The following SMPD2 variants were observed in gnomAD, a reference collection of about 807,000 sequenced individuals.
SMPD2 encodes N-SMase.
In SMPD2, 35 loss-of-function variants were observed where a neutral mutation model predicts 41.7. The ratio of observed to expected loss-of-function variants is 0.84; its 90% CI spans 0.64 to 1.11. SMPD2 has a LOEUF of 1.11. SMPD2 is among the 50% of genes most tolerant of loss of function. The pLI is 0.00. For missense variants in SMPD2, 520 were observed against 524.8 expected (o/e 0.99, Z 0.09); for synonymous variants, 201 against 208.2 (o/e 0.97, Z 0.30).
chr6:109,442,374 C>T lies in SMPD2; in HGVS notation c.408+75C>T. On this transcript the variant is annotated intron_variant, in intron 5 of 9. Coordinates refer to ENST00000258052, the MANE Select transcript of SMPD2 (RefSeq NM_003080.3). ...GGACAGAGAGATGGTACTTCTCTAG[C>T]TCTCATACCTGGGGATGAGGTGTGG... The T allele has an allele frequency of 2.1e-6, 3 of 1,446,098 alleles. No individual in the cohort carries two copies. The South Asian group carries it at 3.4e-5, about 17-fold the overall frequency. The allele number at this position is 1,446,098 out of a possible 1,614,324, so 89.6% of individuals were successfully genotyped here. A position where few individuals can be genotyped will look rare whatever the true frequency, so the allele number is the denominator to read the frequency against.
chr6:109,441,825 C>T, intron 3 of SMPD2, 149 bp from the exon 4 acceptor site: 1 of 902,456 alleles, frequency 1.1e-6, no homozygotes, highest in Non-Finnish European at 1.8e-6. Flanking sequence ...GCCCTATACT[C>T]CTCCAAAGGC....
chr6:109,443,663 C>T lies in SMPD2; in HGVS notation c.1030C>T (p.Leu344=). Residue 344 remains leucine, a synonymous_variant, in exon 10 of 10, where the codon CTG becomes TTG. Coordinates refer to ENST00000258052, the MANE Select transcript of SMPD2 (RefSeq NM_003080.3). ...GLLLLALLCV[L]AAGGGAGEAA... is the part of the protein sequence containing the mutation. ...GCTTCTCCTGGCACTGCTGTGTGTCCTGGCGGCTGGAGGAGGGGCCGGGGA... is the reference window on the plus strand; with the variant it reads ...GCTTCTCCTGGCACTGCTGTGTGTCTTGGCGGCTGGAGGAGGGGCCGGGGA... 6.2e-7 allele frequency: 1 copy of T among 1,613,006 alleles called. No homozygotes were observed. The highest frequency in any genetic ancestry group is 1.7e-5 in the Admixed American group (1 of 60,012).
chr6:109,443,454 C>G, intron 9 of SMPD2, 34 bp downstream of exon 9: 1 of 1,611,440 alleles, frequency 6.2e-7, no homozygotes, highest in Non-Finnish European at 8.5e-7. Flanking sequence ...TGGCCCTTGC[C>G]CCGCTTGAAG....
At chr6:109,443,234 T>C (rs754598007) in intron 8 of SMPD2, 33 bp from the exon 9 acceptor site, 1 of 1,612,428 alleles carries the variant, frequency 6.2e-7, no homozygotes, top group Non-Finnish European at 8.5e-7. Context: ...GGCCCTCATA[T>C]ATAAGCTTCT....
chr6:109,441,134 T>G lies in SMPD2; in HGVS notation c.13T>G (p.Phe5Val). 3 of 1,614,090 alleles carry G rather than the reference T, an allele frequency of 1.9e-6. No homozygotes were observed. The highest frequency in any genetic ancestry group is 1.7e-5 in the Admixed American group (1 of 60,020). The change falls in exon 1 of 10, where the codon TTC becomes GTC. Residue 5 changes from phenylalanine (F) to valine (V), a missense_variant. Physicochemically the swap from Phe to Val is conservative, Grantham distance 50. Coordinates refer to ENST00000258052, the MANE Select transcript of SMPD2 (RefSeq NM_003080.3). ...GAGCTCCCCAACCATGAAGCCCAAC[T>G]TCTCCCTGCGACTGCGGATCTTCAA... MKPN[F>V]SLRLRIFNLN...
At position 109,442,284 on chromosome 6, in the gene SMPD2, C is replaced by T. The variant is rs371903352; in HGVS notation, c.393C>T (p.Asn131=). Residue 131 remains asparagine (N), a synonymous_variant, in exon 5 of 10, where the codon AAC becomes AAT. Transcript: ENST00000258052. The stretch of plus-strand genomic sequence containing the variant: ...TCCATCTAAGTGGCATGGTGCTCAA[C>T]GCCTATGTGACCCATGTGAGTGAAG... ...LVLHLSGMVL[N]AYVTHLHAEY... is the part of the protein sequence containing the mutation. The T allele has an allele frequency of 5.3e-5, 86 of 1,614,086 alleles. 1 individual carries two copies. Among genetic ancestry groups the T allele is most frequent in the African/African-American group, 3.6e-4 (27 of 75,042 alleles).
rs1774921392 is a variant in SMPD2 at position 109,442,042 on chromosome 6, A to G, written c.293A>G (p.Tyr98Cys). 1.9e-6 allele frequency: 3 copies of G among 1,613,756 alleles called. No individual in the cohort carries two copies. The highest frequency in any genetic ancestry group is 1.7e-5 in the Admixed American group (1 of 60,026). ...ATCCAGGAGCTTACCCAGCACATCT[A>G]CACTCTCAATGGCTACCCCTACATG... ...HPIQELTQHIYTLNGYPYMIH... is the reference protein window; with the variant it reads ...HPIQELTQHICTLNGYPYMIH... Residue 98 changes from tyrosine (Y) to cysteine (C), a missense_variant, in exon 4 of 10, where the codon TAC (tyrosine) becomes TGC (cysteine). By Grantham distance (194) the Tyr-to-Cys change is radical. Coordinates refer to ENST00000258052, the MANE Select transcript of SMPD2 (RefSeq NM_003080.3).
intron 8 of SMPD2, 54 bp from the exon 9 acceptor site, chr6:109,443,213 C>G (rs1012429996): frequency 6.2e-7 from 1 of 1,601,704 alleles, no homozygotes; most frequent in Non-Finnish European, 8.5e-7. Flanking sequence ...GGAGCTGGTT[C>G]TCTGGGAAGA....
At chr6:109,442,152 G>A in intron 4 of SMPD2, 58 bp from the exon 5 acceptor site, 6 of 1,595,488 alleles carry the variant, frequency 3.8e-6, no homozygotes, top group Admixed American at 1.7e-5. Flanking sequence ...GAGAGCTGCA[G>A]GGGATGGGCA....
rs368993871 is a variant in SMPD2 at position 109,441,394 on chromosome 6, A to G, written c.88A>G (p.Met30Val). 1.9e-6 allele frequency: 3 copies of G among 1,614,120 alleles called. No homozygotes were observed. The highest frequency in any genetic ancestry group is 2.5e-6 in the Non-Finnish European group (3 of 1,179,978). The change falls in exon 2 of 10, where the codon ATG becomes GTG. Residue 30 changes from methionine to valine, a missense_variant. Met to Val is a conservative substitution (Grantham distance 21). Coordinates refer to ENST00000258052, the MANE Select transcript of SMPD2 (RefSeq NM_003080.3). ...CTTGAGCAAGCACCGGGCCGACCGC[A>G]TGAGGCGCCTGGGAGACTTTCTGAA... ...PYLSKHRADR[M>V]RRLGDFLNQE... is the part of the protein sequence containing the mutation.
Position 109,441,062 on chromosome 6 carries a change from C to A in SMPD2, c.-60C>A. 6.4e-7 allele frequency: 1 copy of A among 1,572,716 alleles called. No homozygotes were observed. The highest frequency in any genetic ancestry group is 8.7e-7 in the Non-Finnish European group (1 of 1,143,534). The stretch of plus-strand genomic sequence containing the variant: ...AGAAGGCGCCGCCGGCCGCCCCCGT[C>A]CCCACCGCGGCCGTCGCTGGAGAGT... On this transcript the variant is annotated 5_prime_UTR_variant, in exon 1 of 10. Coordinates refer to ENST00000258052, the MANE Select transcript of SMPD2 (RefSeq NM_003080.3).
rs752898309 is a variant in SMPD2 at position 109,443,023 on chromosome 6, G to T, written c.671G>T (p.Ser224Ile). The T allele has an allele frequency of 6.2e-7, 1 of 1,614,234 alleles. No individual in the cohort carries two copies. Among genetic ancestry groups the T allele is most frequent in the South Asian group, 1.1e-5 (1 of 91,088 alleles). Residue 224 changes from serine to isoleucine, a missense_variant, in exon 8 of 10, where the codon AGC becomes ATC. Ser to Ile is a moderately radical substitution (Grantham distance 142). Coordinates refer to ENST00000258052, the MANE Select transcript of SMPD2 (RefSeq NM_003080.3). ...NTMVPKNCYV[S>I]QQELKPFPFG... The stretch of plus-strand genomic sequence containing the variant: ...ATGGTACCCAAGAACTGCTACGTCA[G>T]CCAGCAGGAGCTGAAGCCATTTCCC...
chr6:109,441,201 G>T (rs773708998), intron 1 of SMPD2, 30 bp downstream of exon 1: 62 of 1,613,170 alleles, frequency 3.8e-5, no homozygotes, highest in Admixed American at 1.7e-4. Flanking sequence ...GCGGTCTGGG[G>T]GCCACCTTCC....
chr6:109,443,454 C>T, intron 9 of SMPD2, 34 bp downstream of exon 9: 1 of 1,611,440 alleles, frequency 6.2e-7, no homozygotes, highest in South Asian at 1.1e-5. Flanking sequence ...TGGCCCTTGC[C>T]CCGCTTGAAG....
In SMPD2 at chr6:109,443,096, T is replaced by G; in HGVS notation, c.729+15T>G. 1.9e-6 allele frequency: 3 copies of G among 1,599,040 alleles called. No individual in the cohort carries two copies. Among genetic ancestry groups the G allele is most frequent in the Non-Finnish European group, 2.6e-6 (3 of 1,166,396 alleles). ...TGCTTTACAAGGTCAGGCTCCTCCC[T>G]TCAACATGCTTTCATATGCTGTGTC... On this transcript the variant is annotated intron_variant, in intron 8 of 9. Transcript: ENST00000258052.
Position 109,443,210 on chromosome 6 carries a change from G to T in SMPD2, c.730-57G>T. 1.9e-6 allele frequency: 3 copies of T among 1,600,780 alleles called. No individual in the cohort carries two copies. In the African/African-American group the frequency reaches 4.0e-5, roughly 21 times the overall value. ...TGGAAAGTGGGGTAGCCGGGAGCTGGTTCTCTGGGAAGAGGCCCTCATATA... is the reference window on the plus strand; with the variant it reads ...TGGAAAGTGGGGTAGCCGGGAGCTGTTTCTCTGGGAAGAGGCCCTCATATA... On this transcript the variant is annotated intron_variant, in intron 8 of 9. Transcript: ENST00000258052.
chr6:109,440,948 G>T lies in SMPD2; in HGVS notation c.-174G>T. On this transcript the variant is annotated 5_prime_UTR_variant, in exon 1 of 10. Transcript: ENST00000258052. ...GATTGGGAACAGCCGGCCGGTTGCC[G>T]GGGGAACGCGGGAGTCGGGCCCGAC... The T allele has an allele frequency of 3.2e-6, 2 of 617,648 alleles. No individual in the cohort carries two copies. Among genetic ancestry groups the T allele is most frequent in the Non-Finnish European group, 5.5e-6 (2 of 365,008 alleles). The allele number at this position is 617,648 out of a possible 1,614,324, so 38.3% of individuals were successfully genotyped here. A position where few individuals can be genotyped will look rare whatever the true frequency, so the allele number is the denominator to read the frequency against.
At position 109,440,820 on chromosome 6, in the gene SMPD2, G is replaced by A. The variant is rs1468593911; in HGVS notation, c.-302G>A. 2.7e-6 allele frequency: 1 copy of A among 374,236 alleles called. No homozygotes were observed. Among genetic ancestry groups the A allele is most frequent in the South Asian group, 7.3e-5 (1 of 13,656 alleles). 23.2% of individuals were successfully genotyped at this position (374,236 alleles called of 1,614,324 possible). On this transcript the variant is annotated 5_prime_UTR_variant, in exon 1 of 10. Coordinates refer to ENST00000258052, the MANE Select transcript of SMPD2 (RefSeq NM_003080.3). ...AAAAGGAACCGGGAGCCGCCCACCC[G>A]GGGGCGCTCTCCGGACCCCCAGGGT...
chr6:109,441,079 C>T lies in SMPD2; in HGVS notation c.-43C>T. On this transcript the variant is annotated 5_prime_UTR_variant, in exon 1 of 10. Coordinates refer to ENST00000258052, the MANE Select transcript of SMPD2 (RefSeq NM_003080.3). ...GCCCCCGTCCCCACCGCGGCCGTCGCTGGAGAGTTCGAGCCGCCTAGCGCC... is the reference window on the plus strand; with the variant it reads ...GCCCCCGTCCCCACCGCGGCCGTCGTTGGAGAGTTCGAGCCGCCTAGCGCC... 6.2e-7 allele frequency: 1 copy of T among 1,610,692 alleles called. No individual in the cohort carries two copies. Among genetic ancestry groups the T allele is most frequent in the Non-Finnish European group, 8.5e-7 (1 of 1,177,096 alleles).
Sources: allele counts gnomAD v4.1 joint callset, GRCh38; gene constraint gnomAD v4.1.1; transcripts MANE v1.5; gene names NCBI Gene and HGNC (gene_info 2026-07-23, HGNC 2026-07-21).